TMTC2: variants seen among roughly 807,000 people sequenced by gnomAD.
TMTC2 encodes protein O-mannosyl-transferase TMTC2.
Under a neutral mutation model 82.4 loss-of-function variants are expected in TMTC2, and 43 were observed. The observed-to-expected ratio is 0.52, with a 90% confidence interval of 0.41 to 0.67. TMTC2 has a LOEUF of 0.67. Among genes scored for constraint, TMTC2 ranks in the 30% least tolerant of loss-of-function variants. The pLI is 0.00. For synonymous variants in TMTC2, 408 were observed against 381.9 expected (o/e 1.07, Z -0.80); for missense variants, 919 against 1,012.4 (o/e 0.91, Z 1.25).
chr12:83,120,745 GT>G, intron 11 of TMTC2, among the ~76,000 whole-genome samples: 1 of 152,240 alleles, frequency 6.6e-6, no homozygotes, highest in East Asian at 1.9e-4. Flanking sequence ...CCCCAAATAT[GT>G]TTTCCCAACT....
chr12:82,972,840 T>G (rs1878509562), intron 7 of TMTC2, among the ~76,000 whole-genome samples: 1 of 152,162 alleles, frequency 6.6e-6, no homozygotes, highest in South Asian at 2.1e-4. Flanking sequence ...CAGCCTTCTG[T>G]GTGGCTTGTG....
intron 3 of TMTC2, among the ~76,000 whole-genome samples, chr12:82,919,550 C>A (rs1875254701): frequency 6.6e-6 from 1 of 152,130 alleles, no homozygotes; most frequent in Non-Finnish European, 1.5e-5. Context: ...ATGGGTGATG[C>A]TCAAGGCATG....
chr12:83,071,210 A>C (rs1222705345), intron 11 of TMTC2, among the ~76,000 whole-genome samples: 1 of 145,358 alleles, frequency 6.9e-6, no homozygotes, highest in Admixed American at 7.0e-5. Flanking sequence ...ACTGGAGTGC[A>C]GTGGCGCTAT....
intron 3 of TMTC2, among the ~76,000 whole-genome samples, chr12:82,913,737 G>A (rs1334093551): frequency 6.6e-6 from 1 of 152,016 alleles, no homozygotes; most frequent in East Asian, 1.9e-4. Flanking sequence ...ATGTATAACA[G>A]CATTCTCTAT....
intron 7 of TMTC2, among the ~76,000 whole-genome samples, 166 bp downstream of exon 7, chr12:82,967,163 G>A (rs1380839453): frequency 1.3e-5 from 2 of 152,000 alleles, no homozygotes; most frequent in Admixed American, 6.6e-5. Flanking sequence ...TATTTATTCT[G>A]ACATGACAAA....
At chr12:82,995,311 G>C (rs1254456367) in intron 8 of TMTC2, among the ~76,000 whole-genome samples, 1 of 132,314 alleles carries the variant, frequency 7.6e-6, no homozygotes, top group African/African-American at 2.7e-5. Context: ...TTTTTTCCTT[G>C]TGGCATTTGG....
At chr12:82,997,346 GTGTATATATATATATATA>G (rs1274804314) in intron 8 of TMTC2, among the ~76,000 whole-genome samples, 1,188 of 28,796 alleles carry the variant, frequency 0.041, 54 homozygotes, top group Middle Eastern at 0.091. Context: ...GTGTGTGTGT[GTGTATATATATATATATA>G]TGTGTATATA....
intron 11 of TMTC2, among the ~76,000 whole-genome samples, chr12:83,111,482 ATTC>A (rs1432974145): frequency 6.6e-6 from 1 of 152,152 alleles, no homozygotes; most frequent in Non-Finnish European, 1.5e-5. Flanking sequence ...GTTATGATGT[ATTC>A]TTCTTTTGAG....
intron 8 of TMTC2, among the ~76,000 whole-genome samples, chr12:83,025,110 C>G (rs12813419): frequency 0.59 from 89,966 of 151,978 alleles, 27,172 homozygotes; most frequent in South Asian, 0.73. Flanking sequence ...GAGAATGGCT[C>G]GAACCCAGGA....
intron 1 of TMTC2, among the ~76,000 whole-genome samples, chr12:82,743,867 ATGTATTATATTT>A (rs1177826707): frequency 6.6e-6 from 1 of 152,048 alleles, no homozygotes; most frequent in Non-Finnish European, 1.5e-5. Flanking sequence ...TATTCCAGGG[ATGTATTATATTT>A]TGCATTGTTT....
intron 4 of TMTC2, among the ~76,000 whole-genome samples, chr12:82,960,636 G>T (rs1877878803): frequency 6.6e-6 from 1 of 151,856 alleles, no homozygotes; most frequent in Admixed American, 6.6e-5. Context: ...CAGAGAGGGA[G>T]GGAGGAAAGG....
chr12:83,105,237 G>C (rs1884356097), intron 11 of TMTC2, among the ~76,000 whole-genome samples: 1 of 152,084 alleles, frequency 6.6e-6, no homozygotes, highest in Non-Finnish European at 1.5e-5. Flanking sequence ...CCTTTTCTGA[G>C]TCCTCCAAAC....
intron 4 of TMTC2, among the ~76,000 whole-genome samples, chr12:82,947,717 G>GTTGTT (rs1349624556): frequency 3.9e-5 from 6 of 152,032 alleles, no homozygotes; most frequent in Non-Finnish European, 7.4e-5. Context: ...TTTTTTTGTT[G>GTTGTT]TTGTTTTGTT....
chr12:83,087,822 G>A (rs934549161), intron 11 of TMTC2, among the ~76,000 whole-genome samples: 4 of 152,200 alleles, frequency 2.6e-5, no homozygotes, highest in Non-Finnish European at 5.9e-5. Context: ...GAGATTTAGT[G>A]TAATTTGTAA....
At chr12:82,818,580 G>T (rs529032102) in intron 1 of TMTC2, among the ~76,000 whole-genome samples, 11 of 152,266 alleles carry the variant, frequency 7.2e-5, no homozygotes, top group South Asian at 4.1e-4. Flanking sequence ...CTGTGTAAAT[G>T]TAAAGGCATC....
intron 11 of TMTC2, among the ~76,000 whole-genome samples, chr12:83,085,768 A>T (rs1197409036): frequency 2.6e-5 from 4 of 152,190 alleles, no homozygotes; most frequent in Non-Finnish European, 5.9e-5. Flanking sequence ...TCAAGGCTAC[A>T]TCCACTCTGG....
At chr12:83,124,818 G>T (rs148418522) in intron 11 of TMTC2, among the ~76,000 whole-genome samples, 2 of 152,016 alleles carry the variant, frequency 1.3e-5, no homozygotes, top group Admixed American at 1.3e-4. Context: ...CATGATTTGC[G>T]TTTTAGAAAG....
chr12:82,760,093 G>A (rs1384421269), intron 1 of TMTC2: 3 of 151,998 alleles, frequency 2.0e-5, no homozygotes, highest in Non-Finnish European at 2.9e-5. Flanking sequence ...CTATCACCTC[G>A]TCCAAAGTTG....
At chr12:82,701,631 C>A in intron 1 of TMTC2, among the ~76,000 whole-genome samples, 1 of 146,618 alleles carries the variant, frequency 6.8e-6, no homozygotes, top group Admixed American at 6.9e-5. Flanking sequence ...TGTGGAGGTG[C>A]AAGCCTGTAA....
Sources: allele counts gnomAD v4.1 joint callset (sites outside exome capture counted in the v4.1 genomes callset), GRCh38; gene constraint gnomAD v4.1.1; transcripts MANE v1.5; gene names NCBI Gene and HGNC (gene_info 2026-07-23, HGNC 2026-07-21).